DGKB: variants seen among roughly 807,000 people sequenced by gnomAD.
The protein encoded by DGKB is diacylglycerol kinase beta.
DGKB carries 67 observed loss-of-function variants against 114.3 expected under a neutral mutation model. That is an observed-to-expected ratio of 0.59 (90% confidence interval 0.48 to 0.72). The LOEUF (loss-of-function observed/expected upper bound fraction) is 0.72. Ranked by LOEUF, DGKB falls within the 30% of genes least tolerant of loss-of-function variation. The probability of loss-of-function intolerance (pLI) is 0.00; values close to 1 mark genes in which losing one functional copy is unlikely to be tolerated. For missense variants in DGKB, 907 were observed against 975.2 expected, an observed-to-expected ratio of 0.93 and a Z score of 0.93; for synonymous variants, 398 against 323.1, an observed-to-expected ratio of 1.23 and a Z score of -2.49.
chr7:14,337,507 A>T (rs1236051397), intron 23 of DGKB, among the ~76,000 whole-genome samples: 3 of 152,130 alleles, frequency 2.0e-5, no homozygotes, highest in Admixed American at 1.3e-4. Flanking sequence ...CTTTCATGGT[A>T]CCAAATTTTA....
Position 14,645,455 on chromosome 7 carries a change from C to T in DGKB, c.1135-15187G>A, listed in dbSNP as rs566046688. On this transcript the variant is annotated intron_variant, in intron 13 of 25. Coordinates refer to ENST00000402815, the MANE Select transcript of DGKB (RefSeq NM_001350709.2). ...AAAAACCCACTGGGTGCCACCTTCT[C>T]CTGCTTGCTGAACAATGGCAGCAAA... Among the ~76,000 whole-genome samples the T allele has an allele frequency of 6.6e-5, 10 of 152,018 alleles. No individual in the cohort carries two copies. The South Asian group carries it at 2.1e-3, about 32-fold the overall frequency.
intron 1 of DGKB, among the ~76,000 whole-genome samples, chr7:14,875,960 C>A (rs1272154035): frequency 1.3e-5 from 2 of 152,096 alleles, no homozygotes; most frequent in East Asian, 3.9e-4. Flanking sequence ...GAAATCATCT[C>A]CTTACACGGT....
intron 21 of DGKB, among the ~76,000 whole-genome samples, chr7:14,376,690 C>T (rs1385490716): frequency 6.6e-6 from 1 of 152,160 alleles, no homozygotes; most frequent in Non-Finnish European, 1.5e-5. Context: ...TCCCCCCAGC[C>T]CCTTCAGTAG....
intron 23 of DGKB, among the ~76,000 whole-genome samples, chr7:14,332,284 C>T (rs553788393): frequency 3.3e-5 from 5 of 152,310 alleles, no homozygotes; most frequent in African/African-American, 1.2e-4. Context: ...AGTACAAGGA[C>T]ATGAAGTTAC....
intron 1 of DGKB, among the ~76,000 whole-genome samples, chr7:14,914,092 G>A (rs981907287): frequency 6.6e-6 from 1 of 152,130 alleles, no homozygotes; most frequent in Non-Finnish European, 1.5e-5. Flanking sequence ...AAATATCACA[G>A]GGGAAATTAA....
chr7:14,209,805 TG>T (rs377312250), intron 23 of DGKB, among the ~76,000 whole-genome samples: 3 of 151,936 alleles, frequency 2.0e-5, no homozygotes, highest in East Asian at 1.9e-4. Context: ...TGGATTTGCA[TG>T]GGGGGGCTCT....
chr7:14,712,812 A>T lies in DGKB; in HGVS notation c.466+5730T>A, dbSNP rs192882244. ...TTAAAACTATATTTAAAAATAATATAGACATTATTAATATTGAATTTTCAA... is the reference window on the plus strand; with the variant it reads ...TTAAAACTATATTTAAAAATAATATTGACATTATTAATATTGAATTTTCAA... On this transcript the variant is annotated intron_variant, in intron 6 of 25. Coordinates refer to ENST00000402815, the MANE Select transcript of DGKB (RefSeq NM_001350709.2). Among the ~76,000 whole-genome samples the T allele has an allele frequency of 5.3e-3, 801 of 152,244 alleles. 5 individuals carry two copies. The highest frequency in any genetic ancestry group is 0.018 in the African/African-American group (744 of 41,584).
chr7:14,672,971 C>A lies in DGKB; in HGVS notation c.1092G>T (p.Lys364Asn). The change falls in exon 13 of 26, where the codon AAG becomes AAT. Residue 364 changes from lysine (K) to asparagine (N), a missense_variant. By Grantham distance (94) the Lys-to-Asn change is moderately conservative. Coordinates refer to ENST00000402815, the MANE Select transcript of DGKB (RefSeq NM_001350709.2). ...LKPECDCGPL[K>N]DHILPPTTIC... ...TTGTTGTGGGTGGTAAAATATGGTC[C>A]TTCAAAGGTCCACAGTCACATTCAG... 6.3e-7 allele frequency: 1 copy of A among 1,578,892 alleles called. No homozygotes were observed. The highest frequency in any genetic ancestry group is 1.8e-5 in the Admixed American group (1 of 55,094).
chr7:14,776,687 T>C (rs898647185), intron 2 of DGKB, among the ~76,000 whole-genome samples: 1 of 152,226 alleles, frequency 6.6e-6, no homozygotes, highest in Non-Finnish European at 1.5e-5. Flanking sequence ...TGGAAATGCC[T>C]GGATGTCCAG....
chr7:14,567,532 A>T (rs1245359081), intron 20 of DGKB, among the ~76,000 whole-genome samples: 1 of 97,704 alleles, frequency 1.0e-5, no homozygotes, highest in Non-Finnish European at 1.9e-5. Flanking sequence ...TATTATAATT[A>T]TATATAATTA....
intron 20 of DGKB, among the ~76,000 whole-genome samples, chr7:14,499,825 T>C (rs956185395): frequency 8.6e-5 from 13 of 150,414 alleles, no homozygotes; most frequent in Non-Finnish European, 1.5e-5. Flanking sequence ...TGTAGTAAGA[T>C]AAAGGAAAGA....
chr7:14,932,070 T>A (rs1245044277), intron 1 of DGKB, among the ~76,000 whole-genome samples: 5 of 152,138 alleles, frequency 3.3e-5, no homozygotes, highest in African/African-American at 4.8e-5. Flanking sequence ...GCTGCCTAGA[T>A]TGGAGAAGTT....
In DGKB at chr7:14,725,338, T is replaced by C. The variant is rs963508271; in HGVS notation, c.323-6653A>G. Reference sequence around the variant, plus strand: ...CAGGTTGTGCAGGCTCTATACTGTATGCAGATGGATAATTGAAAGTTATTT... The same window carrying C: ...CAGGTTGTGCAGGCTCTATACTGTACGCAGATGGATAATTGAAAGTTATTT... On this transcript the variant is annotated intron_variant, in intron 5 of 25. Coordinates refer to ENST00000402815, the MANE Select transcript of DGKB (RefSeq NM_001350709.2). 3.3e-5 allele frequency among the ~76,000 whole-genome samples: 5 copies of C among 152,292 alleles called. No individual in the cohort carries two copies. The East Asian group carries it at 7.7e-4, about 24-fold the overall frequency.
At chr7:14,334,256 A>G (rs1810250406) in intron 23 of DGKB, among the ~76,000 whole-genome samples, 1 of 152,082 alleles carries the variant, frequency 6.6e-6, no homozygotes. Flanking sequence ...CATTTGCACA[A>G]TATTTCTCAT....
chr7:14,569,292 G>A (rs1798034096), intron 20 of DGKB, among the ~76,000 whole-genome samples: 1 of 152,072 alleles, frequency 6.6e-6, no homozygotes, highest in Non-Finnish European at 1.5e-5. Context: ...CAAGTCAAAG[G>A]AAACAAGACC....
intron 21 of DGKB, among the ~76,000 whole-genome samples, chr7:14,445,330 C>T (rs1483250960): frequency 4.0e-5 from 6 of 151,784 alleles, no homozygotes; most frequent in East Asian, 1.9e-4. Context: ...TGCTACATTG[C>T]TTTGATTTAT....
intron 2 of DGKB, among the ~76,000 whole-genome samples, chr7:14,810,555 A>G (rs1028696396): frequency 3.9e-5 from 6 of 152,200 alleles, no homozygotes; most frequent in Non-Finnish European, 8.8e-5. Context: ...AATGTCATTT[A>G]TATTTTTAAA....
At chr7:14,899,561 C>A (rs1782653635) in intron 1 of DGKB, among the ~76,000 whole-genome samples, 1 of 152,048 alleles carries the variant, frequency 6.6e-6, no homozygotes, top group African/African-American at 2.4e-5. Flanking sequence ...TCTTTTTATA[C>A]CTCTCTGTGT....
chr7:14,200,166 C>A (rs1327696985), intron 23 of DGKB, among the ~76,000 whole-genome samples: 1 of 151,984 alleles, frequency 6.6e-6, no homozygotes, highest in Non-Finnish European at 1.5e-5. Flanking sequence ...AACAATTCTC[C>A]TTTAATACTT....
Sources: allele counts gnomAD v4.1 joint callset (sites outside exome capture counted in the v4.1 genomes callset), GRCh38; gene constraint gnomAD v4.1.1; transcripts MANE v1.5; gene names NCBI Gene and HGNC (gene_info 2026-07-23, HGNC 2026-07-21).